XRCC5: variants seen among roughly 807,000 people sequenced by gnomAD.
XRCC5 encodes DNA repair protein Ku80.
XRCC5 carries 12 observed loss-of-function variants against 95.7 expected under a neutral mutation model. The observed-to-expected ratio is 0.13, with a 90% CI of 0.08 to 0.20. XRCC5 has a LOEUF of 0.20. Among genes scored for constraint, XRCC5 ranks in the 10% least tolerant of loss-of-function variants. XRCC5 has a pLI of 1.00. For synonymous variants in XRCC5, 281 were observed against 290.3 expected, an observed-to-expected ratio of 0.97 and a Z score of 0.33; for missense variants, 595 against 873.9, an observed-to-expected ratio of 0.68 and a Z score of 4.02.
rs544764341 is a variant in XRCC5 at position 216,152,804 on chromosome 2, A to T, written c.1670+4528A>T. ...TCCTCAGTAGCCTCCTGAGTAACTC[A>T]CGCCGGCTAAGTTTTTTATATTTTG... On this transcript the variant is annotated intron_variant, in intron 14 of 20. Coordinates refer to ENST00000392132, the MANE Select transcript of XRCC5 (RefSeq NM_021141.4). Among the ~76,000 whole-genome samples, 12 of 151,878 alleles carry T rather than the reference A, an allele frequency of 7.9e-5. No homozygotes were observed. The South Asian group carries it at 2.3e-3, about 29-fold the overall frequency.
intron 10 of XRCC5, among the ~76,000 whole-genome samples, chr2:216,133,387 G>A (rs41296368): frequency 4.6e-4 from 70 of 152,224 alleles, no homozygotes; most frequent in African/African-American, 1.6e-3. Flanking sequence ...TGTTTCCCAG[G>A]CTGGCCTGGA....
chr2:216,141,402 A>G lies in XRCC5; in HGVS notation c.1476+83A>G, dbSNP rs535970947. On this transcript the variant is annotated intron_variant, in intron 13 of 20. Coordinates refer to ENST00000392132, the MANE Select transcript of XRCC5 (RefSeq NM_021141.4). ...AAAGTTGCGGTAATTGGCCAGTCCT[A>G]AATAAATGTCTTTTTTCTCTGAAGG... 3.2e-5 allele frequency: 47 copies of G among 1,471,780 alleles called. No homozygotes were observed. The African/African-American group carries it at 4.8e-4, about 15-fold the overall frequency. 91.2% of individuals were successfully genotyped at this position (1,471,780 alleles called of 1,614,324 possible).
intron 8 of XRCC5, among the ~76,000 whole-genome samples, chr2:216,129,713 G>T (rs980265660): frequency 3.3e-5 from 5 of 152,132 alleles, no homozygotes; most frequent in Admixed American, 6.5e-5. Flanking sequence ...TTGCTCTGTC[G>T]CCCAGACTGG....
intron 14 of XRCC5, among the ~76,000 whole-genome samples, chr2:216,159,455 T>A (rs1688906235): frequency 6.6e-6 from 1 of 152,148 alleles, no homozygotes; most frequent in Non-Finnish European, 1.5e-5. Flanking sequence ...CAAAACAGAA[T>A]TAGGTTTATA....
At chr2:216,130,791 T>C (rs2106008998) in intron 8 of XRCC5, 84 bp from the exon 9 acceptor site, 2 of 816,602 alleles carry the variant, frequency 2.4e-6, no homozygotes, top group South Asian at 3.5e-5. Flanking sequence ...GTGCGTGTGT[T>C]GTTAATGTAT....
chr2:216,142,912 C>G (rs1697195092), intron 13 of XRCC5, among the ~76,000 whole-genome samples: 2 of 152,226 alleles, frequency 1.3e-5, no homozygotes, highest in South Asian at 4.1e-4. Flanking sequence ...ATACTCATGC[C>G]CCTCAGTTTA....
rs775355874 is a variant in XRCC5 at position 216,136,125 on chromosome 2, G to A, written c.1114-963G>A. On this transcript the variant is annotated intron_variant, in intron 10 of 20. Transcript: ENST00000392132. Reference sequence around the variant, plus strand: ...TAATCCCAGCACTTTGGGAGGCCGAGGCAGGCGGATCACCTGAAGTTGGGA... The same window carrying A: ...TAATCCCAGCACTTTGGGAGGCCGAAGCAGGCGGATCACCTGAAGTTGGGA... 7.2e-5 allele frequency among the ~76,000 whole-genome samples: 11 copies of A among 152,116 alleles called. No individual in the cohort carries two copies. In the South Asian group the frequency reaches 2.1e-3, roughly 29 times the overall value.
Position 216,201,228 on chromosome 2 carries a change from TA to T in XRCC5, c.2110-3092del, listed in dbSNP as rs1689828376. On this transcript the variant is annotated intron_variant, in intron 19 of 20. Transcript: ENST00000392132. ...GCATCCATTAAGCTACAAGTGGCAT[TA>T]ATGAAACCCAAATATATGTCATTTT... is the stretch of plus-strand genomic sequence containing the variant. Among the ~76,000 whole-genome samples, 4 of 152,326 alleles carry T rather than the reference TA, an allele frequency of 2.6e-5. No individual in the cohort carries two copies. In the East Asian group the frequency reaches 7.7e-4, roughly 29 times the overall value.
At chr2:216,137,423 G>A (rs573590501) in intron 11 of XRCC5, among the ~76,000 whole-genome samples, 198 bp downstream of exon 11, 3 of 152,086 alleles carry the variant, frequency 2.0e-5, no homozygotes, top group East Asian at 1.9e-4. Flanking sequence ...CCACACTTTC[G>A]GTTGGAGGAA....
chr2:216,109,584 C>T (rs1464119757), intron 1 of XRCC5, 127 bp downstream of exon 1: 6 of 1,411,458 alleles, frequency 4.3e-6, no homozygotes, highest in Non-Finnish European at 3.9e-6. Flanking sequence ...TGGTGGTGGG[C>T]TCAGTCAGGA....
At chr2:216,153,122 T>C (rs904445886) in intron 14 of XRCC5, among the ~76,000 whole-genome samples, 1 of 152,222 alleles carries the variant, frequency 6.6e-6, no homozygotes, top group Non-Finnish European at 1.5e-5. Context: ...TCAGCTCTCA[T>C]TCTCACCAGC....
chr2:216,177,226 A>C (rs1039064263), intron 16 of XRCC5, among the ~76,000 whole-genome samples: 1 of 152,164 alleles, frequency 6.6e-6, no homozygotes, highest in Non-Finnish European at 1.5e-5. Context: ...AGTTTGTTCA[A>C]ATCTGTCTTT....
intron 19 of XRCC5, among the ~76,000 whole-genome samples, chr2:216,197,691 C>A (rs1371598515): frequency 6.6e-6 from 1 of 152,148 alleles, no homozygotes; most frequent in Non-Finnish European, 1.5e-5. Context: ...GGAAATTCAA[C>A]ATAAAATGTA....
At chr2:216,117,009 G>C in intron 3 of XRCC5, 167 bp downstream of exon 3, 1 of 704,344 alleles carries the variant, frequency 1.4e-6, no homozygotes, top group Non-Finnish European at 2.3e-6. Flanking sequence ...AAATTAATCA[G>C]TTTAAAACAG....
At position 216,148,254 on chromosome 2, in the gene XRCC5, G is replaced by T. The variant is rs35408277; in HGVS notation, c.1648G>T (p.Ala550Ser). Reference sequence around the variant, plus strand: ...AGCCAAGAAAAAGGATCAAGTGACTGCTCAGGAAATTTTCCAAGACAAGTA... The same window carrying T: ...AGCCAAGAAAAAGGATCAAGTGACTTCTCAGGAAATTTTCCAAGACAAGTA... ...IEAKKKDQVT[A>S]QEIFQDNHED... Residue 550 changes from alanine (A) to serine (S), a missense_variant, in exon 14 of 21, where the codon GCT becomes TCT. Around this residue, in one of 2 missense-constraint regions of XRCC5, gnomAD observed 309 missense variants for 382.9 expected, o/e 0.81. Coordinates refer to ENST00000392132, the MANE Select transcript of XRCC5 (RefSeq NM_021141.4). The T allele has an allele frequency of 2.6e-3, 4,124 of 1,609,880 alleles. 4 individuals carry two copies. Among genetic ancestry groups the T allele is most frequent in the Non-Finnish European group, 3.3e-3 (3,884 of 1,179,030 alleles).
At position 216,131,444 on chromosome 2, in the gene XRCC5, A is replaced by C. The variant is rs200627572; in HGVS notation, c.1050+457A>C. Among the ~76,000 whole-genome samples the C allele has an allele frequency of 2.0e-5, 3 of 152,314 alleles. No homozygotes were observed. The East Asian group carries it at 5.8e-4, about 29-fold the overall frequency. On this transcript the variant is annotated intron_variant, in intron 9 of 20. Transcript: ENST00000392132. ...AGGCTCCAGATTTCATAGATCAGAC[A>C]AAGTTGATCTTGGTAGATAAGTGCA...
At chr2:216,137,555 G>A (rs1697106164) in intron 11 of XRCC5, among the ~76,000 whole-genome samples, 1 of 152,088 alleles carries the variant, frequency 6.6e-6, no homozygotes, top group Admixed American at 6.5e-5. Flanking sequence ...GGTTCACCAT[G>A]GCCTTTTCTT....
chr2:216,188,532 ATGGAGAATT>A (rs1255833286), intron 16 of XRCC5, among the ~76,000 whole-genome samples: 1 of 152,216 alleles, frequency 6.6e-6, no homozygotes, highest in African/African-American at 2.4e-5. Context: ...TTCAAAAGAA[ATGGAGAATT>A]TAGAGTCTCT....
At chr2:216,188,468 A>C (rs1032138432) in intron 16 of XRCC5, among the ~76,000 whole-genome samples, 1 of 152,268 alleles carries the variant, frequency 6.6e-6, no homozygotes, top group Non-Finnish European at 1.5e-5. Flanking sequence ...AGTATATACT[A>C]TCAAACAAAG....
Sources: gnomAD v4.1 joint callset for allele counts (sites outside exome capture counted in the v4.1 genomes callset) on GRCh38, gnomAD v4.1.1 for gene constraint, gnomAD v4.1.1 regional missense constraint, MANE v1.5 for transcripts, NCBI Gene and HGNC (gene_info 2026-07-23, HGNC 2026-07-21) for gene names.